The following UBE3B variants were observed in gnomAD, a reference collection of about 807,000 sequenced individuals.
UBE3B encodes the protein ubiquitin-protein ligase E3B.
UBE3B carries 80 observed loss-of-function variants against 132.3 expected under a neutral mutation model. The observed-to-expected ratio is 0.60, with a 90% CI of 0.50 to 0.73. The LOEUF is 0.73. Among genes scored for constraint, UBE3B ranks in the 30% least tolerant of loss-of-function variants. The probability of loss-of-function intolerance (pLI) is 0.00; values close to 1 mark genes in which losing one functional copy is unlikely to be tolerated. For synonymous variants in UBE3B, 487 were observed against 520.4 expected, an observed-to-expected ratio of 0.94 and a Z score of 0.87; for missense variants, 1,196 against 1,362.5, an observed-to-expected ratio of 0.88 and a Z score of 1.92.
At chr12:109,486,667 C>A in intron 6 of UBE3B, 92 bp downstream of exon 6, 4 of 1,062,462 alleles carry the variant, frequency 3.8e-6, no homozygotes, top group Non-Finnish European at 5.3e-6. Flanking sequence ...TTTTCAGAGT[C>A]ACTATCAACG....
Position 109,511,187 on chromosome 12 carries a change from A to T in UBE3B, c.1857-17A>T, listed in dbSNP as rs1477522327. On this transcript the variant is annotated splice_polypyrimidine_tract_variant and intron_variant, in intron 17 of 27. Transcript: ENST00000342494. ...TCCTTCTTTTAATTCTCCCAAACCC[A>T]TGTCTTTCTTCTCAAGGGATCTCAA... is the stretch of plus-strand genomic sequence containing the variant. 1 of 1,612,538 alleles carries T rather than the reference A, an allele frequency of 6.2e-7. No individual in the cohort carries two copies.
intron 15 of UBE3B, 145 bp from the exon 16 acceptor site, chr12:109,509,451 T>A: frequency 3.5e-6 from 2 of 568,440 alleles, no homozygotes; most frequent in East Asian, 6.0e-5. Context: ...TATCATATCA[T>A]TTTATCTGTA....
At chr12:109,514,914 T>TC (rs1566101070) in intron 18 of UBE3B, among the ~76,000 whole-genome samples, 2 of 151,580 alleles carry the variant, frequency 1.3e-5, no homozygotes, top group Non-Finnish European at 2.9e-5. Context: ...CCTTTCTTCT[T>TC]CTTTTTTTTT....
intron 6 of UBE3B, among the ~76,000 whole-genome samples, 183 bp downstream of exon 6, chr12:109,486,758 T>TG (rs1876542051): frequency 6.6e-6 from 1 of 152,132 alleles, no homozygotes; most frequent in Admixed American, 6.5e-5. Context: ...TGGTGTGTGT[T>TG]GGACCCTTAA....
chr12:109,545,235 C>A, the UBE3B span, among the ~76,000 whole-genome samples: 1 of 152,348 alleles, frequency 6.6e-6, no homozygotes, highest in South Asian at 2.1e-4. Context: ...GTGGCTTTGT[C>A]ACATTGCAGA....
In UBE3B at chr12:109,521,769, A is replaced by G. The variant is rs572155552; in HGVS notation, c.2364+218A>G. ...TCGACAGCCCTGTGACGGGGCTGCC[A>G]CTGTCCTGGCTATTTAAGGATGGGA... On this transcript the variant is annotated intron_variant, in intron 21 of 27. Transcript: ENST00000342494. This position sits in a 1 kb window ranked among gnomAD's most constrained non-coding sequence, Gnocchi z 4.2. Among the ~76,000 whole-genome samples the G allele has an allele frequency of 1.3e-5, 2 of 152,244 alleles. No individual in the cohort carries two copies. The highest frequency in any genetic ancestry group is 4.8e-5 in the African/African-American group (2 of 41,554).
intron 23 of UBE3B, 121 bp from the exon 24 acceptor site, chr12:109,526,237 A>G (rs1473607749): frequency 3.0e-6 from 3 of 990,388 alleles, no homozygotes; most frequent in Non-Finnish European, 1.6e-6. Context: ...ATGGTTCCCA[A>G]GCATGTGCCA....
chr12:109,543,853 T>C, the UBE3B span, among the ~76,000 whole-genome samples: 3 of 147,100 alleles, frequency 2.0e-5, no homozygotes, highest in South Asian at 6.6e-4. Context: ...AAGTGGGGGG[T>C]AGCAGGAAAA....
At chr12:109,524,374 G>A in intron 22 of UBE3B, 64 bp from the exon 23 acceptor site, 1 of 1,594,970 alleles carries the variant, frequency 6.3e-7, no homozygotes, top group South Asian at 1.1e-5. Context: ...TCAAGGGAGG[G>A]TTAAACCTCT....
At chr12:109,532,947 A>G (rs918834212) in intron 26 of UBE3B, among the ~76,000 whole-genome samples, 1 of 152,208 alleles carries the variant, frequency 6.6e-6, no homozygotes, top group African/African-American at 2.4e-5. Context: ...CTGCATGAAT[A>G]AGGAGCCGGC....
chr12:109,484,943 G>T (rs916664041), intron 4 of UBE3B, among the ~76,000 whole-genome samples: 1 of 151,724 alleles, frequency 6.6e-6, no homozygotes, highest in African/African-American at 2.4e-5. Flanking sequence ...TTTTTGTAGA[G>T]ATAGGGTTTT....
intron 13 of UBE3B, among the ~76,000 whole-genome samples, chr12:109,502,449 T>A (rs1879122154): frequency 1.3e-5 from 2 of 152,224 alleles, no homozygotes; most frequent in African/African-American, 4.8e-5. Context: ...GTTACCTGCC[T>A]GTGGTGGGTT....
chr12:109,542,864 T>G, the UBE3B span, among the ~76,000 whole-genome samples: 3 of 152,200 alleles, frequency 2.0e-5, no homozygotes, highest in Non-Finnish European at 4.4e-5. Context: ...TCCCCGAGTT[T>G]ATGGTGCTTT....
intron 2 of UBE3B, 34 bp from the exon 3 acceptor site, chr12:109,483,497 A>G (rs960045350): frequency 2.0e-6 from 3 of 1,515,982 alleles, no homozygotes; most frequent in East Asian, 2.3e-5. Flanking sequence ...TCACACAACA[A>G]TCTACAACAC....
intron 22 of UBE3B, 48 bp downstream of exon 22, chr12:109,524,163 C>CA (rs1882032560): frequency 6.2e-7 from 1 of 1,608,978 alleles, no homozygotes; most frequent in Non-Finnish European, 8.5e-7. Context: ...GGTGTGAACT[C>CA]ACAGCTTGCG....
At chr12:109,501,783 T>C (rs780025464) in intron 13 of UBE3B, among the ~76,000 whole-genome samples, 1 of 151,974 alleles carries the variant, frequency 6.6e-6, no homozygotes, top group Non-Finnish European at 1.5e-5. Context: ...CCAAGTATAA[T>C]AGCTGGGACT....
chr12:109,490,684 G>GT (rs1462752921), intron 8 of UBE3B: 44 of 1,464,914 alleles, frequency 3.0e-5, no homozygotes, highest in African/African-American at 1.3e-4. Context: ...TGTATTAGCT[G>GT]TTTTTTTAAC....
intron 7 of UBE3B, among the ~76,000 whole-genome samples, chr12:109,489,046 C>T (rs1424090151): frequency 1.3e-5 from 2 of 152,192 alleles, no homozygotes; most frequent in Admixed American, 6.5e-5. Flanking sequence ...TAAACTTCTT[C>T]CTTCCCTGGT....
intron 18 of UBE3B, among the ~76,000 whole-genome samples, chr12:109,512,276 G>A (rs1426505828): frequency 6.6e-6 from 1 of 152,154 alleles, no homozygotes; most frequent in Non-Finnish European, 1.5e-5. Context: ...TGGGGAGTCA[G>A]ACGGAGTGAG....
Sources: gnomAD v4.1 joint callset for allele counts (sites outside exome capture counted in the v4.1 genomes callset) on GRCh38, gnomAD v4.1.1 for gene constraint, Gnocchi (gnomAD v3.1) non-coding constraint, MANE v1.5 for transcripts, NCBI Gene and HGNC (gene_info 2026-07-23, HGNC 2026-07-21) for gene names.